CNTN5: variants seen among roughly 807,000 people sequenced by gnomAD.
The protein encoded by CNTN5 is contactin 5, also known as contactin-5.
In CNTN5, 77 loss-of-function variants were observed where a neutral mutation model predicts 129.1. The ratio of observed to expected loss-of-function variants is 0.60; its 90% CI spans 0.50 to 0.72. The LOEUF (loss-of-function observed/expected upper bound fraction) is 0.72, where lower values mean the gene tolerates loss of function less well. CNTN5 is among the 30% of genes least tolerant of loss of function. The pLI is 0.00. For synonymous variants in CNTN5, 509 were observed against 465.6 expected, an observed-to-expected ratio of 1.09 and a Z score of -1.20; for missense variants, 1,478 against 1,328.8, an observed-to-expected ratio of 1.11 and a Z score of -1.75.
chr11:100,247,568 A>G (rs970633711), intron 16 of CNTN5, among the ~76,000 whole-genome samples: 3 of 152,150 alleles, frequency 2.0e-5, no homozygotes, highest in Non-Finnish European at 2.9e-5. Flanking sequence ...GAATGACCCA[A>G]TCCCACGTGA....
At chr11:100,317,406 G>A (rs1951592012) in intron 21 of CNTN5, among the ~76,000 whole-genome samples, 1 of 152,202 alleles carries the variant, frequency 6.6e-6, no homozygotes, top group Admixed American at 6.5e-5. Flanking sequence ...CATATGCTGT[G>A]TGGGTAGCCG....
chr11:99,304,164 G>C (rs1385369027), intron 1 of CNTN5, among the ~76,000 whole-genome samples: 1 of 152,082 alleles, frequency 6.6e-6, no homozygotes, highest in African/African-American at 2.4e-5. Flanking sequence ...TATTATGTTT[G>C]TCTTTGAAGT....
intron 2 of CNTN5, among the ~76,000 whole-genome samples, chr11:99,382,688 T>C (rs1940643103): frequency 6.6e-6 from 1 of 151,962 alleles, no homozygotes. Context: ...AGACAGGTGA[T>C]CTGGAAATAT....
chr11:99,342,602 A>AAAT (rs1565505832), intron 2 of CNTN5, among the ~76,000 whole-genome samples: 1 of 114,692 alleles, frequency 8.7e-6, no homozygotes, highest in African/African-American at 2.7e-5. Context: ...AAAAAAAAAA[A>AAAT]GCAGGGCGTG....
chr11:99,385,473 G>A, intron 2 of CNTN5, among the ~76,000 whole-genome samples: 1 of 152,162 alleles, frequency 6.6e-6, no homozygotes, highest in East Asian at 1.9e-4. Flanking sequence ...TCATAAACCA[G>A]TAATTTTATA....
chr11:99,534,264 T>C (rs909615299), intron 2 of CNTN5, among the ~76,000 whole-genome samples: 6 of 152,208 alleles, frequency 3.9e-5, no homozygotes, highest in African/African-American at 1.4e-4. Context: ...GTAATTACCA[T>C]TAATTTGACA....
chr11:99,906,790 T>G (rs1203431713), intron 6 of CNTN5, among the ~76,000 whole-genome samples: 2 of 152,174 alleles, frequency 1.3e-5, no homozygotes, highest in African/African-American at 2.4e-5. Context: ...TTTTTTTGGT[T>G]GGTAGGCTAT....
chr11:99,106,300 C>G (rs909845578), intron 1 of CNTN5, among the ~76,000 whole-genome samples: 32 of 151,860 alleles, frequency 2.1e-4, no homozygotes, highest in Admixed American at 1.9e-3. Flanking sequence ...GTGCAGATAA[C>G]AAAATTTCAT....
intron 3 of CNTN5, among the ~76,000 whole-genome samples, chr11:99,719,250 T>C (rs1943086633): frequency 6.6e-6 from 1 of 151,772 alleles, no homozygotes; most frequent in African/African-American, 2.4e-5. Flanking sequence ...ACCCCAGAGA[T>C]AAAAGGTTGC....
At chr11:99,091,617 C>G (rs570318837) in intron 1 of CNTN5, among the ~76,000 whole-genome samples, 1 of 152,236 alleles carries the variant, frequency 6.6e-6, no homozygotes, top group African/African-American at 2.4e-5. Flanking sequence ...GGTTGTCTAT[C>G]AGGAGCTGAA....
intron 1 of CNTN5, among the ~76,000 whole-genome samples, chr11:99,071,681 T>C (rs1865348079): frequency 6.6e-6 from 1 of 152,160 alleles, no homozygotes; most frequent in Admixed American, 6.6e-5. Flanking sequence ...TTTTACTTCA[T>C]AAAGTCTAGA....
At chr11:99,182,396 T>G (rs1858122297) in intron 1 of CNTN5, among the ~76,000 whole-genome samples, 1 of 152,168 alleles carries the variant, frequency 6.6e-6, no homozygotes, top group Non-Finnish European at 1.5e-5. Context: ...ATTAAAGTAA[T>G]AGTTCCAGTA....
intron 1 of CNTN5, among the ~76,000 whole-genome samples, chr11:99,057,816 GTA>G (rs58082541): frequency 0.022 from 3,388 of 150,916 alleles, 131 homozygotes; most frequent in African/African-American, 0.078. Context: ...GTGTGTGTGT[GTA>G]TGGTCATAAA....
At chr11:99,466,722 G>T (rs1322844365) in intron 2 of CNTN5, among the ~76,000 whole-genome samples, 2 of 152,110 alleles carry the variant, frequency 1.3e-5, no homozygotes, top group Non-Finnish European at 2.9e-5. Context: ...GGAGACTTAA[G>T]CTCCCCCTAT....
intron 16 of CNTN5, among the ~76,000 whole-genome samples, chr11:100,237,343 T>A (rs1949642407): frequency 6.6e-6 from 1 of 152,214 alleles, no homozygotes; most frequent in African/African-American, 2.4e-5. Context: ...TCGTACTTTA[T>A]TTCAGTCTGT....
chr11:99,122,908 G>A (rs188683692), intron 1 of CNTN5, among the ~76,000 whole-genome samples: 14 of 152,162 alleles, frequency 9.2e-5, no homozygotes, highest in African/African-American at 2.9e-4. Flanking sequence ...AGTATTACAT[G>A]GTGTATATGC....
intron 1 of CNTN5, among the ~76,000 whole-genome samples, chr11:99,124,242 C>T (rs1297043487): frequency 6.6e-6 from 1 of 151,832 alleles, no homozygotes; most frequent in African/African-American, 2.4e-5. Context: ...GAGAGCTTTC[C>T]TTTTCCTGGT....
intron 1 of CNTN5, among the ~76,000 whole-genome samples, chr11:99,238,610 A>G (rs1293192586): frequency 6.6e-6 from 1 of 152,200 alleles, no homozygotes; most frequent in Non-Finnish European, 1.5e-5. Flanking sequence ...TAACTTGGCA[A>G]GAAAACAGTT....
intron 21 of CNTN5, among the ~76,000 whole-genome samples, chr11:100,327,498 C>A (rs1951813827): frequency 6.6e-6 from 1 of 152,194 alleles, no homozygotes; most frequent in African/African-American, 2.4e-5. Flanking sequence ...CTGACCAGCC[C>A]CTGCCCACGG....
Sources: gnomAD v4.1 joint callset for allele counts (sites outside exome capture counted in the v4.1 genomes callset) on GRCh38, gnomAD v4.1.1 for gene constraint, MANE v1.5 for transcripts, NCBI Gene and HGNC (gene_info 2026-07-23, HGNC 2026-07-21) for gene names.